PTPRN2: variants seen among roughly 807,000 people sequenced by gnomAD.
The protein encoded by PTPRN2 is receptor-type tyrosine-protein phosphatase N2.
Under a neutral mutation model 118.8 loss-of-function variants are expected in PTPRN2, and 74 were observed. That is an observed-to-expected ratio of 0.62 (90% CI 0.52 to 0.76). The LOEUF (loss-of-function observed/expected upper bound fraction) is 0.76. Among genes scored for constraint, PTPRN2 ranks in the 30% least tolerant of loss-of-function variants. PTPRN2 has a pLI of 0.00. For missense variants in PTPRN2, 1,481 were observed against 1,394.4 expected (o/e 1.06, Z -0.99); for synonymous variants, 641 against 608.0 (o/e 1.05, Z -0.80).
At position 157,987,279 on chromosome 7, in the gene PTPRN2, CG is replaced by C. The variant is rs2128839259; in HGVS notation, c.1724-88543del. Among the ~76,000 whole-genome samples, 1 of 149,124 alleles carries C rather than the reference CG, an allele frequency of 6.7e-6. No homozygotes were observed. Among genetic ancestry groups the C allele is most frequent in the African/African-American group, 2.5e-5 (1 of 40,232 alleles). ...TGTGTGGAGCTTACTGGAACCTAAA[CG>C]GGGGCAAGATGACCGGTCACTAAAG... On this transcript the variant is annotated intron_variant, in intron 11 of 22. Transcript: ENST00000389418. This position sits in a 1 kb window ranked among gnomAD's most constrained non-coding sequence, Gnocchi z 4.3.
intron 11 of PTPRN2, among the ~76,000 whole-genome samples, chr7:158,071,704 AGGTGCTCCTGGTGGTGGAGG>A (rs1811796861): frequency 3.1e-5 from 2 of 64,432 alleles, no homozygotes; most frequent in African/African-American, 6.0e-5. Context: ...CTTGTGGTGG[AGGTGCTCCTGGTGGTGGAGG>A]TGCTCGTGGT....
chr7:157,655,290 C>T (rs922349676), intron 14 of PTPRN2, among the ~76,000 whole-genome samples: 18 of 152,162 alleles, frequency 1.2e-4, no homozygotes, highest in Admixed American at 6.5e-5. Flanking sequence ...CTGGTCCAAG[C>T]GGGTCTAGAA....
At chr7:157,840,549 T>C (rs1465894432) in intron 12 of PTPRN2, among the ~76,000 whole-genome samples, 1 of 150,726 alleles carries the variant, frequency 6.6e-6, no homozygotes, top group Non-Finnish European at 1.5e-5. Flanking sequence ...GGTGTGGGAG[T>C]GGAGAGGGTA....
intron 3 of PTPRN2, among the ~76,000 whole-genome samples, chr7:158,296,336 G>A (rs952745653): frequency 3.9e-5 from 6 of 152,108 alleles, no homozygotes; most frequent in African/African-American, 1.2e-4. Flanking sequence ...GCTGCTGAGC[G>A]GCCCGACTCC....
intron 3 of PTPRN2, among the ~76,000 whole-genome samples, chr7:158,247,726 C>T (rs1442928544): frequency 6.6e-6 from 1 of 152,156 alleles, no homozygotes; most frequent in East Asian, 1.9e-4. Flanking sequence ...AAGCGATTCT[C>T]CTGCCTCAGC....
intron 3 of PTPRN2, among the ~76,000 whole-genome samples, chr7:158,242,829 G>C (rs1218168119): frequency 6.6e-6 from 1 of 152,116 alleles, no homozygotes; most frequent in African/African-American, 2.4e-5. Flanking sequence ...GTCCACAGTG[G>C]TCTCATGACC....
chr7:157,754,300 G>A (rs1162322769), intron 12 of PTPRN2, among the ~76,000 whole-genome samples: 6 of 152,236 alleles, frequency 3.9e-5, no homozygotes, highest in African/African-American at 7.2e-5. Context: ...ACTGAGCCAC[G>A]TTACCTGGTG....
At chr7:158,411,177 A>G (rs1563259830) in intron 2 of PTPRN2, among the ~76,000 whole-genome samples, 1 of 152,072 alleles carries the variant, frequency 6.6e-6, no homozygotes, top group East Asian at 1.9e-4. Flanking sequence ...CTCAAAACCC[A>G]TGAGCACCCC....
At chr7:158,072,528 G>A (rs914504319) in intron 11 of PTPRN2, among the ~76,000 whole-genome samples, 2 of 152,172 alleles carry the variant, frequency 1.3e-5, no homozygotes, top group Non-Finnish European at 2.9e-5. Context: ...TGTTTCCCAA[G>A]TGCTGAATAG....
At chr7:157,663,267 C>A (rs528614216) in intron 13 of PTPRN2, among the ~76,000 whole-genome samples, 1 of 152,142 alleles carries the variant, frequency 6.6e-6, no homozygotes, top group Non-Finnish European at 1.5e-5. Flanking sequence ...GCGTGGAAAC[C>A]GTGATGACAT....
At position 158,375,372 on chromosome 7, in the gene PTPRN2, G is replaced by A. The variant is rs368756516; in HGVS notation, c.164-58440C>T. Among the ~76,000 whole-genome samples, 4 of 152,356 alleles carry A rather than the reference G, an allele frequency of 2.6e-5. No homozygotes were observed. The East Asian group carries it at 7.7e-4, about 29-fold the overall frequency. On this transcript the variant is annotated intron_variant, in intron 2 of 22. Transcript: ENST00000389418. ...AATGAGGGCAGCAGACAAGGCAGCT[G>A]TGTCTTGGGGCAGACATTTTAGGAG... is the stretch of plus-strand genomic sequence containing the variant.
At chr7:158,150,227 C>T (rs1008609254) in intron 6 of PTPRN2, among the ~76,000 whole-genome samples, 8 of 152,176 alleles carry the variant, frequency 5.3e-5, no homozygotes, top group East Asian at 1.9e-4. Context: ...CTGGCCAAGG[C>T]AGAAAAATAG....
chr7:158,170,905 C>T (rs957863181), intron 5 of PTPRN2, among the ~76,000 whole-genome samples: 1 of 151,632 alleles, frequency 6.6e-6, no homozygotes, highest in African/African-American at 2.4e-5. Flanking sequence ...GTATCTGGCA[C>T]GGAAGTGTTA....
At chr7:157,657,268 A>ATG in intron 13 of PTPRN2, among the ~76,000 whole-genome samples, 1 of 63,784 alleles carries the variant, frequency 1.6e-5, no homozygotes, top group South Asian at 4.8e-4. Context: ...ACACACACAT[A>ATG]CACCACACAC....
intron 13 of PTPRN2, among the ~76,000 whole-genome samples, chr7:157,679,922 C>T (rs762346574): frequency 4.6e-5 from 7 of 152,154 alleles, no homozygotes; most frequent in African/African-American, 7.2e-5. Flanking sequence ...CACCCTGAGG[C>T]CACCAGTGCC....
intron 6 of PTPRN2, among the ~76,000 whole-genome samples, chr7:158,150,866 C>T (rs1469020383): frequency 6.6e-6 from 1 of 152,104 alleles, no homozygotes; most frequent in Admixed American, 6.5e-5. Context: ...TCTGTTCTTC[C>T]AACCCAACGT....
At chr7:158,226,242 A>G (rs1172584635) in intron 3 of PTPRN2, among the ~76,000 whole-genome samples, 1 of 152,228 alleles carries the variant, frequency 6.6e-6, no homozygotes, top group African/African-American at 2.4e-5. Flanking sequence ...TAGAGAGATG[A>G]TAAGGTTGTA....
chr7:158,330,902 GCTGACACCTGCAGAC>G lies in PTPRN2; in HGVS notation c.164-13985_164-13971del, dbSNP rs1563150575. 7.9e-4 allele frequency among the ~76,000 whole-genome samples: 54 copies of G among 68,036 alleles called. 4 individuals are homozygous for G. The highest frequency in any genetic ancestry group is 3.0e-3 in the African/African-American group (53 of 17,826). 44.6% of individuals were successfully genotyped at this position (68,036 alleles called of 152,430 possible). The stretch of plus-strand genomic sequence containing the variant: ...TCACACCCAAACTCTCACCATAAGA[GCTGACACCTGCAGAC>G]GTCACTCACACCCACACTCTCACGA... On this transcript the variant is annotated intron_variant, in intron 2 of 22. Transcript: ENST00000389418.
At chr7:157,835,014 C>G (rs2151168012) in intron 12 of PTPRN2, among the ~76,000 whole-genome samples, 1 of 152,278 alleles carries the variant, frequency 6.6e-6, no homozygotes, top group Non-Finnish European at 1.5e-5. Flanking sequence ...CTACTTCTTG[C>G]CTTTTGTCAG....
Sources: allele counts gnomAD v4.1 joint callset (sites outside exome capture counted in the v4.1 genomes callset), GRCh38; gene constraint gnomAD v4.1.1; non-coding constraint Gnocchi (gnomAD v3.1); transcripts MANE v1.5; gene names NCBI Gene and HGNC (gene_info 2026-07-23, HGNC 2026-07-21).